Variants in CCDC141 observed in about 807,000 individuals in gnomAD.
CCDC141 encodes the protein coiled-coil domain-containing protein 141.
CCDC141 carries 168 observed loss-of-function variants against 181.0 expected under a neutral mutation model. That is an observed-to-expected ratio of 0.93 (90% CI 0.82 to 1.05). CCDC141 has a LOEUF of 1.05. CCDC141 is among the 50% of genes least tolerant of loss of function. The probability of loss-of-function intolerance (pLI) is 0.00; values close to 1 mark genes in which losing one functional copy is unlikely to be tolerated. For missense variants in CCDC141, 1,902 were observed against 1,788.5 expected, an observed-to-expected ratio of 1.06 and a Z score of -1.14; for synonymous variants, 666 against 642.3, an observed-to-expected ratio of 1.04 and a Z score of -0.56.
In CCDC141 at chr2:178,905,486, C is replaced by T; in HGVS notation, c.1108G>A (p.Gly370Arg). ...AGCTTAAGGTAAGCTTCAACTCTTC[C>T]AAGTACATCAAATGCCTGCCAAAGA... is the stretch of plus-strand genomic sequence containing the variant. ...NSANKAFDVL[G>R]RVEAYLKLLK... is the part of the protein sequence containing the mutation. The change falls in exon 8 of 24, where the codon GGA becomes AGA. Residue 370 changes from glycine to arginine, a missense_variant. Coordinates refer to ENST00000443758, the MANE Select transcript of CCDC141 (RefSeq NM_173648.4). 1 of 1,545,000 alleles carries T rather than the reference C, an allele frequency of 6.5e-7. No individual in the cohort carries two copies. The highest frequency in any genetic ancestry group is 8.7e-7 in the Non-Finnish European group (1 of 1,145,492).
At chr2:178,990,584 T>TGGAGGGGAGG (rs199693487) in intron 2 of CCDC141, among the ~76,000 whole-genome samples, 2 of 28,482 alleles carry the variant, frequency 7.0e-5, no homozygotes, top group Non-Finnish European at 1.2e-4. Context: ...GGGAGGGGAG[T>TGGAGGGGAGG]GGAGGGGAGG....
intron 4 of CCDC141, among the ~76,000 whole-genome samples, chr2:178,971,309 CAT>C (rs1226714462): frequency 7.2e-5 from 11 of 152,152 alleles, no homozygotes; most frequent in Non-Finnish European, 1.3e-4. Context: ...AGCCAACAAA[CAT>C]ATGAAAAAAT....
intron 17 of CCDC141, among the ~76,000 whole-genome samples, chr2:178,863,481 C>T (rs1685708240): frequency 6.6e-6 from 1 of 152,022 alleles, no homozygotes; most frequent in Admixed American, 6.6e-5. Context: ...GCAGCTATAC[C>T]CAAAGACTAA....
rs534004087 is a variant in CCDC141 at position 178,955,849 on chromosome 2, T to G, written c.780+5381A>C. On this transcript the variant is annotated intron_variant, in intron 5 of 23. Coordinates refer to ENST00000443758, the MANE Select transcript of CCDC141 (RefSeq NM_173648.4). Reference sequence around the variant, plus strand: ...CAATTCAGTGCCCATTGAACAAGGGTAGCTGTTAACATTATTAAACTGACT... The same window carrying G: ...CAATTCAGTGCCCATTGAACAAGGGGAGCTGTTAACATTATTAAACTGACT... Among the ~76,000 whole-genome samples the G allele has an allele frequency of 5.3e-5, 8 of 152,334 alleles. No individual in the cohort carries two copies. The East Asian group carries it at 1.5e-3, about 29-fold the overall frequency.
chr2:178,824,482 C>G, the CCDC141 span, among the ~76,000 whole-genome samples: 6 of 152,022 alleles, frequency 3.9e-5, no homozygotes, highest in African/African-American at 1.4e-4. Flanking sequence ...AATTAGCCAG[C>G]ATGGTGGTGT....
intron 20 of CCDC141, among the ~76,000 whole-genome samples, chr2:178,850,651 C>G (rs1685124746): frequency 6.6e-6 from 1 of 152,238 alleles, no homozygotes; most frequent in Non-Finnish European, 1.5e-5. Flanking sequence ...TCTACCAGGA[C>G]TACTGTCCCT....
At chr2:179,049,766 G>A in intron 1 of CCDC141, 74 bp downstream of exon 1, 4 of 1,489,872 alleles carry the variant, frequency 2.7e-6, no homozygotes, top group African/African-American at 1.4e-5. Context: ...CGATTGCATG[G>A]AATGTTCTTT....
chr2:178,818,151 C>G, the CCDC141 span, among the ~76,000 whole-genome samples: 50,107 of 151,990 alleles, frequency 0.33, 9,498 homozygotes, highest in Non-Finnish European at 0.43. Context: ...TCTTTCTAAA[C>G]AATGTCAAAT....
At chr2:178,816,640 C>T in the CCDC141 span, among the ~76,000 whole-genome samples, 1 of 152,054 alleles carries the variant, frequency 6.6e-6, no homozygotes, top group African/African-American at 2.4e-5. Context: ...GTGGCTCTGC[C>T]GTTTTGCGTT....
At chr2:179,005,729 C>T (rs1055142187) in intron 2 of CCDC141, among the ~76,000 whole-genome samples, 2 of 152,060 alleles carry the variant, frequency 1.3e-5, no homozygotes, top group African/African-American at 4.8e-5. Flanking sequence ...CTACTTCCCC[C>T]GACCCCCATA....
chr2:178,977,054 G>A (rs1354510438), intron 3 of CCDC141, among the ~76,000 whole-genome samples: 2 of 152,116 alleles, frequency 1.3e-5, no homozygotes, highest in African/African-American at 4.8e-5. Flanking sequence ...GGGACATAAG[G>A]ATTATATAGG....
chr2:178,894,944 A>T (rs1044060921), intron 8 of CCDC141, among the ~76,000 whole-genome samples: 4 of 152,216 alleles, frequency 2.6e-5, no homozygotes, highest in African/African-American at 9.6e-5. Context: ...ATTTGAGATT[A>T]TTTGGAAAAC....
At chr2:178,900,084 GA>G (rs1245362097) in intron 8 of CCDC141, among the ~76,000 whole-genome samples, 1 of 152,092 alleles carries the variant, frequency 6.6e-6, no homozygotes, top group East Asian at 1.9e-4. Flanking sequence ...CCTGCAAAAT[GA>G]AAATAGTATT....
intron 5 of CCDC141, among the ~76,000 whole-genome samples, chr2:178,948,769 T>C (rs909947503): frequency 2.0e-5 from 3 of 152,182 alleles, no homozygotes; most frequent in Non-Finnish European, 4.4e-5. Flanking sequence ...TTCTCTTGCC[T>C]CCTCTCTTGC....
At chr2:178,965,743 G>A (rs1488485381) in intron 4 of CCDC141, among the ~76,000 whole-genome samples, 1 of 152,128 alleles carries the variant, frequency 6.6e-6, no homozygotes, top group East Asian at 1.9e-4. Context: ...ACACCCCAGG[G>A]CACCTGGAAC....
chr2:178,950,268 A>G (rs1689898887), intron 5 of CCDC141, among the ~76,000 whole-genome samples: 1 of 152,204 alleles, frequency 6.6e-6, no homozygotes, highest in South Asian at 2.1e-4. Context: ...ATTGTAGTTG[A>G]TGGTCACAGG....
intron 6 of CCDC141, among the ~76,000 whole-genome samples, chr2:178,934,647 G>A (rs1427825297): frequency 6.6e-6 from 1 of 152,132 alleles, no homozygotes; most frequent in Non-Finnish European, 1.5e-5. Context: ...TATGAAAGTT[G>A]CTGTGTTTCT....
intron 6 of CCDC141, among the ~76,000 whole-genome samples, chr2:178,940,356 G>C (rs1689457847): frequency 6.6e-6 from 1 of 152,158 alleles, no homozygotes; most frequent in South Asian, 2.1e-4. Flanking sequence ...GTATAAACTA[G>C]ATGCAAACAG....
intron 7 of CCDC141, among the ~76,000 whole-genome samples, chr2:178,912,434 G>T (rs1326504410): frequency 6.6e-6 from 1 of 152,158 alleles, no homozygotes; most frequent in African/African-American, 2.4e-5. Context: ...CACTTAAGAT[G>T]TTAAAGATGT....
Sources: allele counts gnomAD v4.1 joint callset (sites outside exome capture counted in the v4.1 genomes callset), GRCh38; gene constraint gnomAD v4.1.1; transcripts MANE v1.5; gene names NCBI Gene and HGNC (gene_info 2026-07-23, HGNC 2026-07-21).